The following ASCC1 variants were observed in gnomAD, a reference collection of about 807,000 sequenced individuals.
The protein encoded by ASCC1 is activating signal cointegrator 1 complex subunit 1, also known as ASC-1 complex subunit P50.
A neutral mutation model predicts 46.6 loss-of-function variants in ASCC1; 35 were observed. The ratio of observed to expected loss-of-function variants is 0.75; its 90% CI spans 0.57 to 0.99. The LOEUF is 0.99. ASCC1 is among the 50% of genes least tolerant of loss of function. The pLI, the probability that ASCC1 is intolerant of heterozygous loss-of-function variation, is 0.00. For synonymous variants in ASCC1, 143 were observed against 146.6 expected, an observed-to-expected ratio of 0.98 and a Z score of 0.18; for missense variants, 376 against 428.7, an observed-to-expected ratio of 0.88 and a Z score of 1.09.
At chr10:72,182,827 A>AGAG (rs1554837155) in intron 5 of ASCC1, among the ~76,000 whole-genome samples, 1 of 148,774 alleles carries the variant, frequency 6.7e-6, no homozygotes, top group African/African-American at 2.5e-5. Context: ...AAAAAAAAAA[A>AGAG]AGAGAGAGAG....
intron 9 of ASCC1, among the ~76,000 whole-genome samples, chr10:72,107,123 G>C (rs1171188645): frequency 1.3e-5 from 2 of 152,012 alleles, no homozygotes; most frequent in East Asian, 1.9e-4. Context: ...TGTAGGTACA[G>C]GACTAGTATG....
intron 7 of ASCC1, among the ~76,000 whole-genome samples, chr10:72,150,037 T>A (rs1174605563): frequency 6.6e-6 from 1 of 151,762 alleles, no homozygotes; most frequent in Non-Finnish European, 1.5e-5. Flanking sequence ...ATACAAAAAT[T>A]AGCCAGGCAT....
intron 5 of ASCC1, among the ~76,000 whole-genome samples, chr10:72,173,691 C>T (rs1484673801): frequency 6.6e-6 from 1 of 152,170 alleles, no homozygotes. Context: ...TAATTTGGAA[C>T]CAAACAACCT....
chr10:72,156,729 G>A (rs1339306148), intron 6 of ASCC1, among the ~76,000 whole-genome samples: 4 of 146,318 alleles, frequency 2.7e-5, no homozygotes, highest in South Asian at 4.3e-4. Context: ...CAGAGATCTC[G>A]CCACTGCACT....
chr10:72,202,241 T>G (rs1054235818), intron 4 of ASCC1, among the ~76,000 whole-genome samples: 1 of 151,986 alleles, frequency 6.6e-6, no homozygotes. Context: ...CCAAGGTGGG[T>G]GGATCACTTG....
chr10:72,157,545 A>T (rs1043545066), intron 6 of ASCC1, among the ~76,000 whole-genome samples: 1 of 152,298 alleles, frequency 6.6e-6, no homozygotes, highest in African/African-American at 2.4e-5. Context: ...ATCTTCTGCA[A>T]AATTCCTGTT....
intron 7 of ASCC1, among the ~76,000 whole-genome samples, chr10:72,150,661 C>A (rs1424724683): frequency 6.6e-6 from 1 of 152,194 alleles, no homozygotes; most frequent in Non-Finnish European, 1.5e-5. Context: ...TAAACATCTG[C>A]AACCTACAGA....
intron 7 of ASCC1, among the ~76,000 whole-genome samples, chr10:72,141,054 T>TAGAC (rs1353889261): frequency 6.7e-6 from 1 of 150,012 alleles, no homozygotes; most frequent in Non-Finnish European, 1.5e-5. Flanking sequence ...GATAGATAGA[T>TAGAC]AGATAGATAG....
At chr10:72,213,037 C>T in intron 2 of ASCC1, 150 bp downstream of exon 2, 1 of 652,300 alleles carries the variant, frequency 1.5e-6, no homozygotes, top group South Asian at 1.6e-5. Flanking sequence ...TCATCAGTAC[C>T]CTTAGACATG....
chr10:72,132,245 T>C (rs1167437341), intron 8 of ASCC1, among the ~76,000 whole-genome samples: 1 of 152,160 alleles, frequency 6.6e-6, no homozygotes, highest in Non-Finnish European at 1.5e-5. Context: ...TTGGTGCTGC[T>C]AGTGTATTTT....
intron 2 of ASCC1, 39 bp from the exon 3 acceptor site, chr10:72,210,870 T>C: frequency 6.3e-7 from 1 of 1,597,432 alleles, no homozygotes. Context: ...GAAACAATGT[T>C]GCTCTGTGGA....
intron 7 of ASCC1, among the ~76,000 whole-genome samples, chr10:72,143,871 A>C (rs911243469): frequency 1.6e-4 from 25 of 151,948 alleles, no homozygotes; most frequent in African/African-American, 5.8e-4. Flanking sequence ...AATTTCACTT[A>C]ATCTACTTTG....
chr10:72,152,711 T>C (rs917846709), intron 7 of ASCC1, among the ~76,000 whole-genome samples, 158 bp downstream of exon 7: 4 of 152,090 alleles, frequency 2.6e-5, no homozygotes. Context: ...AAATTCCTCT[T>C]TCAAGAGATT....
chr10:72,134,085 A>G (rs948114043), intron 7 of ASCC1: 1 of 152,354 alleles, frequency 6.6e-6, no homozygotes, highest in Admixed American at 6.6e-5. Context: ...GTTTGAGACC[A>G]GCCTGGCCAA....
intron 5 of ASCC1, among the ~76,000 whole-genome samples, chr10:72,167,634 A>ATGTCT (rs1850524443): frequency 6.7e-6 from 1 of 149,458 alleles, no homozygotes; most frequent in African/African-American, 2.5e-5. Context: ...AGTTGTGTCT[A>ATGTCT]TGTCTTTTTT....
chr10:72,160,821 C>G (rs527449314), intron 6 of ASCC1, among the ~76,000 whole-genome samples: 3 of 149,182 alleles, frequency 2.0e-5, no homozygotes, highest in Admixed American at 1.3e-4. Flanking sequence ...TGGTTGCTCA[C>G]GCCTGTAATC....
intron 8 of ASCC1, among the ~76,000 whole-genome samples, chr10:72,131,873 ATT>A (rs914278355): frequency 0.086 from 9,937 of 114,938 alleles, 801 homozygotes; most frequent in African/African-American, 0.26. Flanking sequence ...CTCTAGATAG[ATT>A]TTTTTTTTTT....
At chr10:72,198,720 G>C in intron 4 of ASCC1, 1 of 455,644 alleles carries the variant, frequency 2.2e-6, no homozygotes, top group Non-Finnish European at 4.4e-6. Context: ...TCACACGAAT[G>C]CAACTGCAGA....
At chr10:72,216,057 C>G (rs914156538) in intron 1 of ASCC1, 150 bp downstream of exon 1, 1 of 152,336 alleles carries the variant, frequency 6.6e-6, no homozygotes, top group Non-Finnish European at 1.5e-5. Context: ...GCGAACACGC[C>G]GCGGTCCTCG....
Sources: gnomAD v4.1 joint callset for allele counts (sites outside exome capture counted in the v4.1 genomes callset) on GRCh38, gnomAD v4.1.1 for gene constraint, MANE v1.5 for transcripts, NCBI Gene and HGNC (gene_info 2026-07-23, HGNC 2026-07-21) for gene names.